The following RIMS2 variants were observed in gnomAD, a reference collection of about 807,000 sequenced individuals.
RIMS2 encodes regulating synaptic membrane exocytosis protein 2.
RIMS2 carries 59 observed loss-of-function variants against 174.4 expected under a neutral mutation model. The ratio of observed to expected loss-of-function variants is 0.34; its 90% CI spans 0.27 to 0.42. RIMS2 has a LOEUF of 0.42. Ranked by LOEUF, RIMS2 falls within the 10% of genes least tolerant of loss-of-function variation. RIMS2 has a pLI of 1.00. For missense variants in RIMS2, 1,620 were observed against 1,666.3 expected (o/e 0.97, Z 0.48); for synonymous variants, 606 against 572.5 (o/e 1.06, Z -0.84).
chr8:103,645,146 G>A (rs1233565019), intron 1 of RIMS2, among the ~76,000 whole-genome samples: 1 of 151,934 alleles, frequency 6.6e-6, no homozygotes, highest in African/African-American at 2.4e-5. Flanking sequence ...AGAAATACAA[G>A]TTTTCTAAAT....
rs188352751 is a variant in RIMS2 at position 103,750,047 on chromosome 8, A to G, written c.388-16180A>G. On this transcript the variant is annotated intron_variant, in intron 2 of 23. Transcript: ENST00000504942. ...GCTGTTAAAACAGTGGGTATATCCT[A>G]CAAGATTAAGGAAATGGAACATTTC... is the stretch of plus-strand genomic sequence containing the variant. Among the ~76,000 whole-genome samples, 207 of 152,198 alleles carry G rather than the reference A, an allele frequency of 1.4e-3. 4 individuals are homozygous for G. The highest frequency in any genetic ancestry group is 4.7e-3 in the African/African-American group (194 of 41,496).
chr8:103,807,055 T>C lies in RIMS2; in HGVS notation c.698+40518T>C, dbSNP rs145836343. Among the ~76,000 whole-genome samples, 898 of 152,058 alleles carry C rather than the reference T, an allele frequency of 5.9e-3. 7 individuals carry two copies. The highest frequency in any genetic ancestry group is 0.02 in the African/African-American group (846 of 41,460). On this transcript the variant is annotated intron_variant, in intron 3 of 23. Transcript: ENST00000504942. The stretch of plus-strand genomic sequence containing the variant: ...TTTTAGGGGAAGATAAGGGCAAAGA[T>C]ATACAGAAGATATTTAAAGCCATGG...
chr8:104,236,202 T>C (rs527669177), intron 19 of RIMS2, among the ~76,000 whole-genome samples: 6 of 152,126 alleles, frequency 3.9e-5, no homozygotes, highest in African/African-American at 1.4e-4. Flanking sequence ...ACACATAATG[T>C]CAAGATTTCT....
rs78122972 is a variant in RIMS2, at chr8:103,849,913, G to A, written c.699-35385G>A. On this transcript the variant is annotated intron_variant, in intron 3 of 23. Transcript: ENST00000504942. ...TTAACTCTTTTGTCTAAAGAGGGAG[G>A]TGGATATATTAATCATTGAGTAAGT... Among the ~76,000 whole-genome samples the A allele has an allele frequency of 4.8e-4, 73 of 152,098 alleles. 1 individual carries two copies. In the East Asian group the frequency reaches 0.012, roughly 24 times the overall value.
At chr8:104,253,629 C>A (rs2099363780), downstream of RIMS2, 1 of 152,144 alleles carries the variant, frequency 6.6e-6, no homozygotes, top group South Asian at 2.1e-4. Flanking sequence ...CAAATTTCTC[C>A]TAAGTTCCCC....
At chr8:103,669,009 T>C (rs1359758901) in intron 1 of RIMS2, among the ~76,000 whole-genome samples, 1 of 152,128 alleles carries the variant, frequency 6.6e-6, no homozygotes, top group Non-Finnish European at 1.5e-5. Context: ...TTATCATAGT[T>C]TGTTAGTCTG....
rs144352929 is a variant in RIMS2 at position 103,628,267 on chromosome 8, G to T, written c.177-68819G>T. Reference sequence around the variant, plus strand: ...GACAAAATTCAAAAAGCAACTAATAGAAGACCTTACAAGAGAAAGAAAATA... The same window carrying T: ...GACAAAATTCAAAAAGCAACTAATATAAGACCTTACAAGAGAAAGAAAATA... On this transcript the variant is annotated intron_variant, in intron 1 of 23. Transcript: ENST00000504942. Among the ~76,000 whole-genome samples the T allele has an allele frequency of 3.9e-3, 587 of 151,530 alleles. 5 individuals carry two copies. Among genetic ancestry groups the T allele is most frequent in the Non-Finnish European group, 3.1e-3 (212 of 67,898 alleles).
At chr8:104,014,475 C>T in intron 18 of RIMS2, 31 bp from the exon 21 acceptor site, 2 of 1,227,610 alleles carry the variant, frequency 1.6e-6, no homozygotes, top group Non-Finnish European at 1.2e-6. Flanking sequence ...ACTCATTATA[C>T]TGAAAATGAA....
At chr8:103,605,623 C>T (rs1258937236) in intron 1 of RIMS2, among the ~76,000 whole-genome samples, 2 of 152,022 alleles carry the variant, frequency 1.3e-5, no homozygotes, top group African/African-American at 4.8e-5. Context: ...GTGAATCCAT[C>T]TGGTCCTGGA....
intron 15 of RIMS2, among the ~76,000 whole-genome samples, chr8:103,967,754 T>C (rs1235432120): frequency 6.6e-6 from 1 of 152,156 alleles, no homozygotes; most frequent in Non-Finnish European, 1.5e-5. Flanking sequence ...TCTTGAAGAC[T>C]TGGCTCCTTT....
Position 103,652,182 on chromosome 8 carries a change from G to C in RIMS2, c.177-44904G>C, listed in dbSNP as rs1264777993. Reference sequence around the variant, plus strand: ...ATCTCTTCATAGTACAGTGCACTCAGTTGTGCAAACTTATCTTTTTAGGGT... The same window carrying C: ...ATCTCTTCATAGTACAGTGCACTCACTTGTGCAAACTTATCTTTTTAGGGT... On this transcript the variant is annotated intron_variant, in intron 1 of 23. Coordinates refer to ENST00000504942, the Ensembl canonical transcript of RIMS2. 6 of 1,320,808 alleles carry C rather than the reference G, an allele frequency of 4.5e-6. No homozygotes were observed. In the South Asian group the frequency reaches 6.9e-5, roughly 15 times the overall value. The allele number at this position is 1,320,808 out of a possible 1,614,324, so 81.8% of individuals were successfully genotyped here.
intron 19 of RIMS2, among the ~76,000 whole-genome samples, chr8:104,115,427 AATCTTTAAT>A (rs1380476103): frequency 1.3e-5 from 2 of 152,108 alleles, no homozygotes; most frequent in African/African-American, 4.8e-5. Flanking sequence ...TTATAAACTA[AATCTTTAAT>A]TATTTTTAAC....
In RIMS2 at chr8:103,737,538, C is replaced by T. The variant is rs1463374357; in HGVS notation, c.388-28689C>T. On this transcript the variant is annotated intron_variant, in intron 2 of 23. Transcript: ENST00000504942. Reference sequence around the variant, plus strand: ...TGCTTCTTTCCTCCAACCTTTCATACGTCTACTAGGATGGTATTTTTCAAA... The same window carrying T: ...TGCTTCTTTCCTCCAACCTTTCATATGTCTACTAGGATGGTATTTTTCAAA... Among the ~76,000 whole-genome samples the T allele has an allele frequency of 5.9e-5, 9 of 152,096 alleles. No individual in the cohort carries two copies. In the South Asian group the frequency reaches 6.2e-4, roughly 11 times the overall value.
intron 3 of RIMS2, chr8:103,880,388 T>C (rs1195339940): frequency 3.6e-6 from 1 of 281,538 alleles, no homozygotes; most frequent in Non-Finnish European, 6.5e-6. Context: ...GACCTGGAGC[T>C]ATATACAGCC....
intron 19 of RIMS2, among the ~76,000 whole-genome samples, chr8:104,228,724 G>T (rs1466595345): frequency 6.6e-6 from 1 of 152,138 alleles, no homozygotes; most frequent in Non-Finnish European, 1.5e-5. Context: ...TCTTCATGAA[G>T]CCAACCTTGG....
At chr8:103,591,057 A>G (rs1289876133) in intron 1 of RIMS2, among the ~76,000 whole-genome samples, 2 of 150,818 alleles carry the variant, frequency 1.3e-5, no homozygotes, top group African/African-American at 4.8e-5. Context: ...CAAAAAAGGT[A>G]TAAGAGTTCT....
At chr8:104,062,481 A>T (rs2097018768) in intron 19 of RIMS2, among the ~76,000 whole-genome samples, 1 of 152,236 alleles carries the variant, frequency 6.6e-6, no homozygotes, top group African/African-American at 2.4e-5. Context: ...TTTAAAATAC[A>T]GTTATGAGAA....
chr8:103,989,474 CA>C, intron 17 of RIMS2, 53 bp downstream of exon 19: 3 of 916,932 alleles, frequency 3.3e-6, no homozygotes, highest in Admixed American at 2.1e-5. Flanking sequence ...TCACTGCTTT[CA>C]GGAAGGGGTT....
chr8:103,948,612 C>T (rs61229244), intron 14 of RIMS2, among the ~76,000 whole-genome samples: 34,564 of 151,912 alleles, frequency 0.23, 4,154 homozygotes, highest in Non-Finnish European at 0.24. Flanking sequence ...ACTTATATAA[C>T]ATATATAGAA....
Sources: gnomAD v4.1 joint callset for allele counts (sites outside exome capture counted in the v4.1 genomes callset) on GRCh38, gnomAD v4.1.1 for gene constraint, MANE v1.5 for transcripts, NCBI Gene and HGNC (gene_info 2026-07-23, HGNC 2026-07-21) for gene names.